Variants in TMTC1 observed in about 807,000 individuals in gnomAD.
TMTC1 encodes the protein protein O-mannosyl-transferase TMTC1.
A neutral mutation model predicts 104.8 loss-of-function variants in TMTC1; 73 were observed. The ratio of observed to expected loss-of-function variants is 0.70; its 90% CI spans 0.58 to 0.85. TMTC1 has a LOEUF of 0.85. Ranked by LOEUF, TMTC1 falls within the 40% of genes least tolerant of loss-of-function variation. The pLI, the probability that TMTC1 is intolerant of heterozygous loss-of-function variation, is 0.00. For synonymous variants in TMTC1, 434 were observed against 428.7 expected, an observed-to-expected ratio of 1.01 and a Z score of -0.15; for missense variants, 1,035 against 1,096.1, an observed-to-expected ratio of 0.94 and a Z score of 0.79.
intron 5 of TMTC1, among the ~76,000 whole-genome samples, chr12:29,740,099 C>T (rs372237670): frequency 1.8e-4 from 27 of 152,286 alleles, no homozygotes; most frequent in African/African-American, 6.0e-4. Context: ...TTACTCTAGG[C>T]AGGAATTCCT....
intron 17 of TMTC1, among the ~76,000 whole-genome samples, chr12:29,508,330 C>A (rs1943745066): frequency 6.6e-6 from 1 of 152,152 alleles, no homozygotes. Flanking sequence ...AAGGATATGT[C>A]TTCCAAATGT....
chr12:29,554,290 T>G (rs1945180699), intron 10 of TMTC1, among the ~76,000 whole-genome samples: 1 of 152,182 alleles, frequency 6.6e-6, no homozygotes, highest in Admixed American at 6.5e-5. Flanking sequence ...AAAGAGCCTC[T>G]TAGAACTAAA....
chr12:29,714,666 G>C lies in TMTC1; in HGVS notation c.938+37000C>G, dbSNP rs148016044. ...AAAAGGATCTGGGGTACCCCCCCTG[G>C]ATTTGTGGACCACAGTATAAGAACC... is the stretch of plus-strand genomic sequence containing the variant. On this transcript the variant is annotated intron_variant, in intron 5 of 17. Transcript: ENST00000539277. 5.6e-4 allele frequency among the ~76,000 whole-genome samples: 85 copies of C among 152,298 alleles called. 2 individuals carry two copies. The East Asian group carries it at 0.011, about 19-fold the overall frequency.
intron 5 of TMTC1, chr12:29,660,704 T>C (rs2136641028): frequency 2.8e-6 from 1 of 359,072 alleles, no homozygotes; most frequent in Non-Finnish European, 4.5e-6. Context: ...TATTGCTGAT[T>C]CTATTAAATA....
chr12:29,651,601 G>A (rs1266797232), intron 5 of TMTC1, among the ~76,000 whole-genome samples: 2 of 152,180 alleles, frequency 1.3e-5, no homozygotes, highest in African/African-American at 4.8e-5. Context: ...GTCACCAGCT[G>A]GAAGGCAGCA....
chr12:29,658,226 A>C (rs1019419632), intron 5 of TMTC1: 2 of 152,014 alleles, frequency 1.3e-5, no homozygotes, highest in Non-Finnish European at 2.9e-5. Context: ...TGCAAATACA[A>C]AAAAAAAGTG....
intron 5 of TMTC1, among the ~76,000 whole-genome samples, chr12:29,652,733 G>C (rs776368026): frequency 6.6e-6 from 1 of 152,138 alleles, no homozygotes; most frequent in Non-Finnish European, 1.5e-5. Flanking sequence ...GAAAAATTGG[G>C]GAATAGTCTA....
intron 5 of TMTC1, among the ~76,000 whole-genome samples, chr12:29,700,805 T>C (rs927596715): frequency 6.6e-6 from 1 of 152,196 alleles, no homozygotes; most frequent in Non-Finnish European, 1.5e-5. Flanking sequence ...CTAAAGCTAC[T>C]GGACCAAAAT....
chr12:29,746,066 A>C (rs1291836004), intron 5 of TMTC1, among the ~76,000 whole-genome samples: 2 of 152,322 alleles, frequency 1.3e-5, no homozygotes, highest in East Asian at 3.9e-4. Flanking sequence ...ATATTGGTTC[A>C]TATCTGCTTC....
chr12:29,686,126 C>CTAGACATCTGACTACATG (rs1941084432), intron 5 of TMTC1, among the ~76,000 whole-genome samples: 1 of 152,174 alleles, frequency 6.6e-6, no homozygotes, highest in Non-Finnish European at 1.5e-5. Context: ...TTCGGTCTTA[C>CTAGACATCTGACTACATG]TAGACATCTG....
rs548400536 is a variant in TMTC1, at chr12:29,518,676, C to G, written c.1889-69G>C. The G allele has an allele frequency of 3.9e-6, 6 of 1,537,058 alleles. No homozygotes were observed. The African/African-American group carries it at 8.2e-5, about 21-fold the overall frequency. The stretch of plus-strand genomic sequence containing the variant: ...ATAAAAGACATGAACATTTCACTTT[C>G]TCTTCTGACTTATAATTCTTTCTCA... On this transcript the variant is annotated intron_variant, in intron 12 of 17. Transcript: ENST00000539277.
intron 15 of TMTC1, among the ~76,000 whole-genome samples, chr12:29,515,196 T>G (rs2136142813): frequency 6.6e-6 from 1 of 152,064 alleles, no homozygotes; most frequent in East Asian, 1.9e-4. Context: ...GCATCAGACG[T>G]TTTCCCTGAC....
intron 5 of TMTC1, among the ~76,000 whole-genome samples, chr12:29,732,133 G>A (rs1228544539): frequency 1.3e-5 from 2 of 151,976 alleles, no homozygotes; most frequent in Admixed American, 1.3e-4. Flanking sequence ...ACATAATAAA[G>A]GTTACCAATA....
chr12:29,608,031 A>C (rs751627042), intron 6 of TMTC1, among the ~76,000 whole-genome samples: 1 of 152,234 alleles, frequency 6.6e-6, no homozygotes, highest in African/African-American at 2.4e-5. Context: ...ATACTCATGA[A>C]AAAATTTCTA....
intron 2 of TMTC1, among the ~76,000 whole-genome samples, chr12:29,764,320 G>A (rs1279504386): frequency 1.3e-5 from 2 of 152,116 alleles, no homozygotes; most frequent in African/African-American, 4.8e-5. Flanking sequence ...AATAATATTT[G>A]TATAAAGTAT....
chr12:29,710,655 TTTATA>T (rs911607815), intron 5 of TMTC1, among the ~76,000 whole-genome samples: 8 of 142,008 alleles, frequency 5.6e-5, no homozygotes, highest in African/African-American at 2.1e-4. Context: ...AATTTTTATA[TTTATA>T]TTATTTTTAT....
intron 5 of TMTC1, among the ~76,000 whole-genome samples, chr12:29,647,794 C>T (rs1185986687): frequency 6.6e-6 from 1 of 152,136 alleles, no homozygotes; most frequent in African/African-American, 2.4e-5. Context: ...TAAGAGAGAG[C>T]CTTCATATCC....
At chr12:29,622,799 G>A (rs566463624) in intron 6 of TMTC1, among the ~76,000 whole-genome samples, 2 of 152,292 alleles carry the variant, frequency 1.3e-5, no homozygotes, top group East Asian at 3.9e-4. Context: ...AGTAGAAGGA[G>A]GAGATGAAGG....
At chr12:29,778,079 C>T (rs2120642430) in intron 1 of TMTC1, among the ~76,000 whole-genome samples, 1 of 152,324 alleles carries the variant, frequency 6.6e-6, no homozygotes, top group Non-Finnish European at 1.5e-5. Context: ...TACAGCTGCA[C>T]ATATTAAGAT....
Sources: allele counts gnomAD v4.1 joint callset (sites outside exome capture counted in the v4.1 genomes callset), GRCh38; gene constraint gnomAD v4.1.1; transcripts MANE v1.5; gene names NCBI Gene and HGNC (gene_info 2026-07-23, HGNC 2026-07-21).